KCNMA1: variants seen among roughly 807,000 people sequenced by gnomAD.
KCNMA1 encodes potassium calcium-activated channel subfamily M alpha 1.
A neutral mutation model predicts 140.0 loss-of-function variants in KCNMA1; 29 were observed. The observed-to-expected ratio is 0.21, with a 90% confidence interval of 0.15 to 0.28. The LOEUF (loss-of-function observed/expected upper bound fraction) is 0.28. KCNMA1 is among the 10% of genes least tolerant of loss of function. The pLI is 1.00. For missense variants in KCNMA1, 880 were observed against 1,602.2 expected (o/e 0.55, Z 7.70); for synonymous variants, 612 against 611.9 (o/e 1.00, Z 0.00).
At chr10:77,116,194 A>C (rs1225699248) in intron 6 of KCNMA1, among the ~76,000 whole-genome samples, 1 of 152,170 alleles carries the variant, frequency 6.6e-6, no homozygotes, top group African/African-American at 2.4e-5. Context: ...ATCCAACTAA[A>C]GTCAATCATT....
chr10:77,090,766 C>A lies in KCNMA1; in HGVS notation c.1224-256G>T, dbSNP rs1168126917. The A allele has an allele frequency of 7.2e-6, 4 of 558,686 alleles. No homozygotes were observed. In the East Asian group the frequency reaches 9.0e-5, roughly 13 times the overall value. 34.6% of individuals were successfully genotyped at this position (558,686 alleles called of 1,614,324 possible). ...GCACAAAATCCTATTAAAAGCCCAA[C>A]TGTTTGGCCAAGTGGTTTTATGCAT... On this transcript the variant is annotated intron_variant, in intron 9 of 27. Transcript: ENST00000286628.
chr10:77,364,169 G>A (rs535920708), intron 2 of KCNMA1, among the ~76,000 whole-genome samples: 8 of 152,148 alleles, frequency 5.3e-5, no homozygotes, highest in East Asian at 1.9e-4. Flanking sequence ...ATCACTGTGC[G>A]GCCGGGCGCA....
At chr10:77,115,355 T>C (rs2097432152) in intron 6 of KCNMA1, among the ~76,000 whole-genome samples, 1 of 152,232 alleles carries the variant, frequency 6.6e-6, no homozygotes, top group East Asian at 1.9e-4. Context: ...GCCCTTATTA[T>C]GTGTTAGATG....
intron 2 of KCNMA1, among the ~76,000 whole-genome samples, chr10:77,347,524 G>C (rs1183974507): frequency 6.6e-6 from 1 of 152,182 alleles, no homozygotes; most frequent in African/African-American, 2.4e-5. Flanking sequence ...AGAGACGCTT[G>C]GGGATGGCAG....
chr10:77,166,799 T>C (rs1163766104), intron 5 of KCNMA1, among the ~76,000 whole-genome samples: 1 of 152,164 alleles, frequency 6.6e-6, no homozygotes, highest in Non-Finnish European at 1.5e-5. Context: ...CAGCAAGACC[T>C]TGCCAAAGGT....
At chr10:77,560,349 C>T (rs556834108) in intron 1 of KCNMA1, among the ~76,000 whole-genome samples, 1 of 152,294 alleles carries the variant, frequency 6.6e-6, no homozygotes, top group East Asian at 1.9e-4. Flanking sequence ...TGTTTAATTA[C>T]ATACATGAAC....
intron 1 of KCNMA1, among the ~76,000 whole-genome samples, chr10:77,502,261 T>C (rs2044193701): frequency 1.3e-5 from 2 of 152,208 alleles, no homozygotes; most frequent in African/African-American, 4.8e-5. Flanking sequence ...CTTTTCTTCA[T>C]AGCATTTCCC....
chr10:76,949,050 C>T (rs1451558047), intron 22 of KCNMA1, 92 bp downstream of exon 22: 4 of 1,035,236 alleles, frequency 3.9e-6, no homozygotes, highest in Non-Finnish European at 6.1e-6. Flanking sequence ...GAAGCACAGG[C>T]ATGATCAAAG....
At chr10:76,961,789 T>A (rs1453424492) in intron 20 of KCNMA1, among the ~76,000 whole-genome samples, 1 of 152,212 alleles carries the variant, frequency 6.6e-6, no homozygotes, top group African/African-American at 2.4e-5. Flanking sequence ...ATTACTAGCA[T>A]TTTTAGGAGT....
chr10:77,390,676 AC>A (rs1463549798), intron 2 of KCNMA1, among the ~76,000 whole-genome samples: 1 of 152,204 alleles, frequency 6.6e-6, no homozygotes, highest in Non-Finnish European at 1.5e-5. Flanking sequence ...GGCAGACACA[AC>A]CAGGCCCTTG....
chr10:77,589,281 T>C (rs1216468085), intron 1 of KCNMA1, among the ~76,000 whole-genome samples: 3 of 151,922 alleles, frequency 2.0e-5, no homozygotes, highest in Non-Finnish European at 2.9e-5. Context: ...AGCACTGGAG[T>C]AGGACAAGTA....
At chr10:76,970,549 T>C (rs1390132051) in intron 19 of KCNMA1, 1 of 202,812 alleles carries the variant, frequency 4.9e-6, no homozygotes, top group East Asian at 1.3e-4. Context: ...AACCCCTGCA[T>C]ACCAGAGAAA....
rs528894985 is a variant in KCNMA1, at chr10:77,400,090, T to C, written c.540+3772A>G. ...GCTGTCTGGTCTTGCTTTGGTCCCATTGTTGCAGGGATAAACATTTGGACG... is the reference window on the plus strand; with the variant it reads ...GCTGTCTGGTCTTGCTTTGGTCCCACTGTTGCAGGGATAAACATTTGGACG... On this transcript the variant is annotated intron_variant, in intron 2 of 27. Transcript: ENST00000286628. Among the ~76,000 whole-genome samples, 11 of 152,322 alleles carry C rather than the reference T, an allele frequency of 7.2e-5. No homozygotes were observed. The East Asian group carries it at 2.1e-3, about 29-fold the overall frequency.
At chr10:77,073,064 G>A (rs765169533) in intron 14 of KCNMA1, 33 bp downstream of exon 14, 11 of 1,606,244 alleles carry the variant, frequency 6.8e-6, no homozygotes, top group Middle Eastern at 1.7e-4. Flanking sequence ...ATGGAATCCC[G>A]AGCTAATGTG....
At chr10:77,014,374 C>T (rs972745480) in intron 17 of KCNMA1, among the ~76,000 whole-genome samples, 40 of 148,576 alleles carry the variant, frequency 2.7e-4, no homozygotes, top group Admixed American at 9.5e-4. Flanking sequence ...TGCAGTGAGC[C>T]GAGATTGTGC....
At chr10:77,148,773 G>A (rs369431523) in intron 5 of KCNMA1, among the ~76,000 whole-genome samples, 3 of 152,162 alleles carry the variant, frequency 2.0e-5, no homozygotes, top group East Asian at 3.9e-4. Flanking sequence ...GCTTGGCCTC[G>A]TTCCAGTAAA....
At chr10:77,164,775 A>T (rs921681274) in intron 5 of KCNMA1, among the ~76,000 whole-genome samples, 1 of 152,098 alleles carries the variant, frequency 6.6e-6, no homozygotes, top group Non-Finnish European at 1.5e-5. Flanking sequence ...TACTATCAGG[A>T]TCCCTCTTAG....
intron 1 of KCNMA1, among the ~76,000 whole-genome samples, chr10:77,579,902 C>T (rs552406488): frequency 6.6e-6 from 1 of 152,152 alleles, no homozygotes; most frequent in African/African-American, 2.4e-5. Flanking sequence ...CTTCCATGAA[C>T]AGCAATTGAA....
intron 20 of KCNMA1, among the ~76,000 whole-genome samples, chr10:76,955,501 AAGT>A (rs1039057842): frequency 1.1e-4 from 16 of 152,310 alleles, no homozygotes; most frequent in South Asian, 6.2e-4. Flanking sequence ...CCAACTTGCA[AAGT>A]TATCTTCAAC....
Sources: gnomAD v4.1 joint callset for allele counts (sites outside exome capture counted in the v4.1 genomes callset) on GRCh38, gnomAD v4.1.1 for gene constraint, MANE v1.5 for transcripts, NCBI Gene and HGNC (gene_info 2026-07-23, HGNC 2026-07-21) for gene names.